The following ITGB5 variants were observed in gnomAD, a reference collection of about 807,000 sequenced individuals.
ITGB5 encodes integrin subunit beta 5.
ITGB5 carries 38 observed loss-of-function variants against 84.8 expected under a neutral mutation model. The ratio of observed to expected loss-of-function variants is 0.45; its 90% CI spans 0.35 to 0.59. The LOEUF is 0.59. Among genes scored for constraint, ITGB5 ranks in the 20% least tolerant of loss-of-function variants. The probability of loss-of-function intolerance (pLI) is 0.01; values close to 1 mark genes in which losing one functional copy is unlikely to be tolerated. For missense variants in ITGB5, 905 were observed against 1,034.5 expected (o/e 0.87, Z 1.72); for synonymous variants, 393 against 414.4 (o/e 0.95, Z 0.63).
chr3:124,883,737 G>A (rs13323528), intron 1 of ITGB5, among the ~76,000 whole-genome samples: 66,220 of 152,034 alleles, frequency 0.44, 14,709 homozygotes, highest in East Asian at 0.67. Context: ...TAATTCCAGC[G>A]GTGTTGCAGG....
intron 9 of ITGB5, among the ~76,000 whole-genome samples, chr3:124,808,377 A>T (rs1449237419): frequency 6.6e-6 from 1 of 152,176 alleles, no homozygotes; most frequent in African/African-American, 2.4e-5. Flanking sequence ...ATGTGTGGCT[A>T]GCTCTCCATC....
At chr3:124,870,584 G>A (rs183271972) in intron 2 of ITGB5, among the ~76,000 whole-genome samples, 48 of 152,190 alleles carry the variant, frequency 3.2e-4, no homozygotes, top group Admixed American at 1.9e-3. Flanking sequence ...AAAACTAGCC[G>A]GGTGTGGTGC....
chr3:124,866,757 C>A (rs2065397549), intron 2 of ITGB5, among the ~76,000 whole-genome samples: 1 of 152,184 alleles, frequency 6.6e-6, no homozygotes, highest in Admixed American at 6.5e-5. Context: ...CTTGGCAGAA[C>A]CCTCAGGGAT....
intron 10 of ITGB5, among the ~76,000 whole-genome samples, chr3:124,774,542 G>GC (rs1310298851): frequency 6.6e-6 from 1 of 152,148 alleles, no homozygotes; most frequent in East Asian, 1.9e-4. Context: ...CTCCCTGGGA[G>GC]CCTCAGAGGG....
In ITGB5 at chr3:124,763,524, C is replaced by G; in HGVS notation, c.*99G>C. On this transcript the variant is annotated 3_prime_UTR_variant, in exon 15 of 15. Transcript: ENST00000296181. ...TCACTAGAAGGTCTTCTCTGTGGTG[C>G]CTACCTAGGGAGCTGTGATCAAGCC... 7.2e-6 allele frequency: 5 copies of G among 691,554 alleles called. No homozygotes were observed. The highest frequency in any genetic ancestry group is 4.7e-5 in the Admixed American group (2 of 42,630). The allele number at this position is 691,554 out of a possible 1,614,324, so 42.8% of individuals were successfully genotyped here. A position where few individuals can be genotyped will look rare whatever the true frequency, so the allele number is the denominator to read the frequency against.
In ITGB5 at chr3:124,873,437, C is replaced by A. The variant is rs182301427; in HGVS notation, c.156+9G>T. 515 of 1,601,860 alleles carry A rather than the reference C, an allele frequency of 3.2e-4. 3 individuals carry two copies. In the African/African-American group the frequency reaches 6.0e-3, roughly 19 times the overall value. On this transcript the variant is annotated intron_variant, in intron 2 of 14. Coordinates refer to ENST00000296181, the MANE Select transcript of ITGB5 (RefSeq NM_002213.5). ...CTTCCCTTCTTCCTCCCCTCCCCCA[C>A]CTACATACCTCTTTGGAGCACCAGG... is the stretch of plus-strand genomic sequence containing the variant.
At chr3:124,851,932 C>G (rs1386725168) in intron 3 of ITGB5, among the ~76,000 whole-genome samples, 1 of 152,148 alleles carries the variant, frequency 6.6e-6, no homozygotes, top group African/African-American at 2.4e-5. Flanking sequence ...AGGGAGGCCT[C>G]TAACGTTAAC....
intron 8 of ITGB5, among the ~76,000 whole-genome samples, chr3:124,812,563 G>C (rs2107542907): frequency 1.3e-5 from 2 of 152,198 alleles, no homozygotes; most frequent in East Asian, 3.9e-4. Flanking sequence ...GGTGCAACAT[G>C]AGGCCAGCCC....
chr3:124,835,534 C>T (rs1244173586), intron 5 of ITGB5, among the ~76,000 whole-genome samples: 1 of 152,194 alleles, frequency 6.6e-6, no homozygotes, highest in Non-Finnish European at 1.5e-5. Flanking sequence ...GGCAGCCTGG[C>T]GCTGGATCAA....
chr3:124,776,763 GTGT>G (rs1054421771), intron 10 of ITGB5, among the ~76,000 whole-genome samples: 48 of 152,362 alleles, frequency 3.2e-4, no homozygotes, highest in African/African-American at 1.1e-3. Flanking sequence ...GGCCAGGCGG[GTGT>G]TGTTTTCTTT....
intron 3 of ITGB5, among the ~76,000 whole-genome samples, chr3:124,858,985 A>C (rs1196750394): frequency 1.3e-5 from 2 of 152,142 alleles, no homozygotes; most frequent in Non-Finnish European, 2.9e-5. Context: ...AAAACGCTTA[A>C]ATGGTAAATG....
chr3:124,874,630 C>T (rs1934223681), intron 1 of ITGB5, among the ~76,000 whole-genome samples: 1 of 152,158 alleles, frequency 6.6e-6, no homozygotes, highest in Admixed American at 6.5e-5. Context: ...GTAATTAAAA[C>T]AGCACAGTAC....
intron 4 of ITGB5, among the ~76,000 whole-genome samples, chr3:124,842,849 G>C (rs538035006): frequency 2.6e-5 from 4 of 152,260 alleles, no homozygotes; most frequent in Admixed American, 2.6e-4. Context: ...GGCAATCTTT[G>C]GTTCTCTAAG....
Position 124,763,577 on chromosome 3 carries a change from G to T in ITGB5, c.*46C>A. 1 of 1,211,864 alleles carries T rather than the reference G, an allele frequency of 8.3e-7. No individual in the cohort carries two copies. Among genetic ancestry groups the T allele is most frequent in the South Asian group, 1.2e-5 (1 of 81,278 alleles). 75.1% of individuals were successfully genotyped at this position (1,211,864 alleles called of 1,614,324 possible). On this transcript the variant is annotated 3_prime_UTR_variant, in exon 15 of 15. Transcript: ENST00000296181. ...GCAGCCGTGCAAGGCGTTTCAGTCTGACCTTTTCATCAGATCCCCGCTCCA... is the reference window on the plus strand; with the variant it reads ...GCAGCCGTGCAAGGCGTTTCAGTCTTACCTTTTCATCAGATCCCCGCTCCA...
intron 2 of ITGB5, among the ~76,000 whole-genome samples, chr3:124,864,805 G>GT (rs2065362415): frequency 6.6e-6 from 1 of 152,230 alleles, no homozygotes; most frequent in South Asian, 2.1e-4. Flanking sequence ...GTCTGATGGC[G>GT]TAACAGTTTC....
upstream of ITGB5, among the ~76,000 whole-genome samples, chr3:124,889,927 G>A (rs1243544580): frequency 2.0e-5 from 3 of 152,018 alleles, no homozygotes; most frequent in African/African-American, 7.2e-5. Flanking sequence ...CCTGAGAATC[G>A]CTTGAATCCA....
chr3:124,886,799 G>T, intron 1 of ITGB5, 132 bp downstream of exon 1: 1 of 392,774 alleles, frequency 2.5e-6, no homozygotes, highest in Non-Finnish European at 4.0e-6. Flanking sequence ...CCAGCGACTG[G>T]CCCACCAGGG....
At chr3:124,782,991 A>G (rs1200488709) in intron 10 of ITGB5, among the ~76,000 whole-genome samples, 1 of 149,640 alleles carries the variant, frequency 6.7e-6, no homozygotes. Flanking sequence ...TTCTTTTTTA[A>G]TATTTTAAGA....
At chr3:124,806,531 T>G (rs1025439442) in intron 9 of ITGB5, among the ~76,000 whole-genome samples, 1 of 149,270 alleles carries the variant, frequency 6.7e-6, no homozygotes, top group Non-Finnish European at 1.5e-5. Flanking sequence ...CCTCCCGGGT[T>G]CATGCCATTC....
Sources: gnomAD v4.1 joint callset for allele counts (sites outside exome capture counted in the v4.1 genomes callset) on GRCh38, gnomAD v4.1.1 for gene constraint, MANE v1.5 for transcripts, NCBI Gene and HGNC (gene_info 2026-07-23, HGNC 2026-07-21) for gene names.